SDK1: variants seen among roughly 807,000 people sequenced by gnomAD.
The protein encoded by SDK1 is sidekick cell adhesion molecule 1, also known as protein sidekick-1.
SDK1 carries 157 observed loss-of-function variants against 245.5 expected under a neutral mutation model. The observed-to-expected ratio is 0.64, with a 90% confidence interval of 0.56 to 0.73. SDK1 has a LOEUF of 0.73. SDK1 is among the 30% of genes least tolerant of loss of function. The pLI is 0.00. For missense variants in SDK1, 3,583 were observed against 3,002.3 expected (o/e 1.19, Z -4.52); for synonymous variants, 1,647 against 1,278.5 (o/e 1.29, Z -6.15).
intron 17 of SDK1, among the ~76,000 whole-genome samples, chr7:4,038,368 T>C (rs1028309364): frequency 2.0e-5 from 3 of 147,828 alleles, no homozygotes; most frequent in African/African-American, 5.2e-5. Context: ...GGGCAAACAA[T>C]TGAAGACAGG....
intron 1 of SDK1, among the ~76,000 whole-genome samples, chr7:3,313,645 G>A (rs748817227): frequency 1.3e-5 from 2 of 152,134 alleles, no homozygotes; most frequent in South Asian, 2.1e-4. Flanking sequence ...GCAGATTAAC[G>A]GATTAGCGAG....
intron 4 of SDK1, among the ~76,000 whole-genome samples, chr7:3,753,511 C>T (rs1779832587): frequency 6.6e-6 from 1 of 152,188 alleles, no homozygotes; most frequent in Non-Finnish European, 1.5e-5. Flanking sequence ...AACAGGAATG[C>T]ACTCAGCCAG....
At chr7:4,071,054 G>C (rs112384834) in intron 20 of SDK1, among the ~76,000 whole-genome samples, 5,541 of 151,862 alleles carry the variant, frequency 0.036, 161 homozygotes, top group African/African-American at 0.064. Context: ...GAAATGGAGT[G>C]TCTCTCTGTC....
At chr7:3,589,182 G>A (rs571605934) in intron 1 of SDK1, among the ~76,000 whole-genome samples, 23 of 152,292 alleles carry the variant, frequency 1.5e-4, no homozygotes, top group African/African-American at 4.3e-4. Flanking sequence ...CACAGTTGGC[G>A]TGGAGCTTTT....
chr7:3,495,038 T>C (rs1781981902), intron 1 of SDK1, among the ~76,000 whole-genome samples: 1 of 152,128 alleles, frequency 6.6e-6, no homozygotes, highest in Admixed American at 6.5e-5. Context: ...TCTAATTTCT[T>C]CAATTTGTCT....
chr7:3,866,910 G>A (rs1431568663), intron 5 of SDK1, among the ~76,000 whole-genome samples: 2 of 152,130 alleles, frequency 1.3e-5, no homozygotes, highest in African/African-American at 4.8e-5. Context: ...AGAACACGTG[G>A]CCTCCATCCA....
At chr7:4,119,360 C>G (rs1458256220) in intron 25 of SDK1, among the ~76,000 whole-genome samples, 4 of 148,128 alleles carry the variant, frequency 2.7e-5, no homozygotes, top group South Asian at 2.2e-4. Context: ...GAGGCTGAGG[C>G]AGGAGAACTG....
chr7:3,769,519 C>T (rs1780346955), intron 4 of SDK1, among the ~76,000 whole-genome samples: 1 of 152,128 alleles, frequency 6.6e-6, no homozygotes, highest in Admixed American at 6.5e-5. Flanking sequence ...ATCCAATTGC[C>T]CCTAAGCTCC....
At chr7:3,498,456 G>C (rs1484649516) in intron 1 of SDK1, among the ~76,000 whole-genome samples, 1 of 152,134 alleles carries the variant, frequency 6.6e-6, no homozygotes, top group African/African-American at 2.4e-5. Context: ...CTTTCTCATT[G>C]CATTTTTGGG....
chr7:3,858,640 G>A (rs1780607690), intron 5 of SDK1, among the ~76,000 whole-genome samples: 1 of 151,820 alleles, frequency 6.6e-6, no homozygotes, highest in African/African-American at 2.4e-5. Context: ...ATAGGGAATG[G>A]TATATCTGTA....
At chr7:4,137,462 C>T (rs1008100858) in intron 28 of SDK1, among the ~76,000 whole-genome samples, 3 of 152,168 alleles carry the variant, frequency 2.0e-5, no homozygotes, top group Admixed American at 2.0e-4. Flanking sequence ...GAGCAGTGGA[C>T]GGTTCTGGAA....
chr7:3,632,765 G>T (rs751963856), intron 2 of SDK1, among the ~76,000 whole-genome samples: 2 of 152,056 alleles, frequency 1.3e-5, no homozygotes, highest in Non-Finnish European at 2.9e-5. Context: ...GATGCCTAGG[G>T]CCTATTAGTG....
intron 4 of SDK1, among the ~76,000 whole-genome samples, chr7:3,738,256 T>C (rs1779377073): frequency 6.6e-6 from 1 of 152,254 alleles, no homozygotes; most frequent in Non-Finnish European, 1.5e-5. Context: ...ACCTTCATTC[T>C]TTTGCATGTG....
At chr7:4,163,080 G>A (rs1251912637) in intron 32 of SDK1, among the ~76,000 whole-genome samples, 2 of 152,232 alleles carry the variant, frequency 1.3e-5, no homozygotes, top group Non-Finnish European at 2.9e-5. Flanking sequence ...CAGGCAGGGG[G>A]CCAAGCACGA....
intron 22 of SDK1, among the ~76,000 whole-genome samples, chr7:4,105,918 G>C (rs1782872692): frequency 1.3e-5 from 2 of 152,216 alleles, no homozygotes; most frequent in African/African-American, 4.8e-5. Context: ...GCGGCTGCAG[G>C]AGGAAGTGCA....
chr7:3,384,823 T>C (rs981527167), intron 1 of SDK1, among the ~76,000 whole-genome samples: 3 of 152,206 alleles, frequency 2.0e-5, no homozygotes, highest in South Asian at 4.1e-4. Flanking sequence ...CACACATATA[T>C]GTATGCTTGT....
chr7:3,334,974 C>A (rs532273923), intron 1 of SDK1, among the ~76,000 whole-genome samples: 2 of 152,104 alleles, frequency 1.3e-5, no homozygotes, highest in South Asian at 4.2e-4. Flanking sequence ...TGGAGTTATC[C>A]TTCATTTTTT....
At chr7:4,172,318 G>A (rs1334331721) in intron 32 of SDK1, among the ~76,000 whole-genome samples, 4 of 152,146 alleles carry the variant, frequency 2.6e-5, no homozygotes, top group African/African-American at 7.2e-5. Context: ...GTGCCCCTCT[G>A]GCATGTGCGT....
At chr7:3,308,469 T>A (rs190469593) in intron 1 of SDK1, among the ~76,000 whole-genome samples, 4 of 152,288 alleles carry the variant, frequency 2.6e-5, no homozygotes, top group Admixed American at 2.6e-4. Context: ...TTAACAGGCT[T>A]AACTGGCACT....
Sources: allele counts gnomAD v4.1 joint callset (sites outside exome capture counted in the v4.1 genomes callset), GRCh38; gene constraint gnomAD v4.1.1; transcripts MANE v1.5; gene names NCBI Gene and HGNC (gene_info 2026-07-23, HGNC 2026-07-21).